Variants in ATAD2B observed in about 807,000 individuals in gnomAD.
ATAD2B encodes ATPase family AAA domain-containing protein 2B.
A neutral mutation model predicts 167.6 loss-of-function variants in ATAD2B; 40 were observed. The ratio of observed to expected loss-of-function variants is 0.24; its 90% CI spans 0.19 to 0.31. The LOEUF (loss-of-function observed/expected upper bound fraction) is 0.31. ATAD2B is among the 10% of genes least tolerant of loss of function. The pLI is 1.00. For missense variants in ATAD2B, 1,242 were observed against 1,757.2 expected (o/e 0.71, Z 5.24); for synonymous variants, 579 against 596.5 (o/e 0.97, Z 0.43).
At chr2:23,855,753 G>A (rs1693290574) in intron 13 of ATAD2B, among the ~76,000 whole-genome samples, 1 of 152,206 alleles carries the variant, frequency 6.6e-6, no homozygotes, top group African/African-American at 2.4e-5. Flanking sequence ...GCCAGGTGGG[G>A]TACTGCATGC....
rs1211290777 is a variant in ATAD2B, at chr2:23,764,662, C to G, written c.3256+844G>C. On this transcript the variant is annotated intron_variant, in intron 23 of 27. Coordinates refer to ENST00000238789, the MANE Select transcript of ATAD2B (RefSeq NM_017552.4). ...TGCCAAATGCTACCAAAGCCTCTAT[C>G]AGATTAGGTGGTCAGGGAAGAGCTC... Among the ~76,000 whole-genome samples the G allele has an allele frequency of 3.3e-5, 5 of 152,172 alleles. No individual in the cohort carries two copies. In the East Asian group the frequency reaches 9.6e-4, roughly 29 times the overall value.
chr2:23,753,652 C>T (rs1017206198), intron 27 of ATAD2B, among the ~76,000 whole-genome samples: 3 of 152,134 alleles, frequency 2.0e-5, no homozygotes, highest in Admixed American at 6.6e-5. Flanking sequence ...AGTATCTCAG[C>T]AAAAGGACAG....
intron 12 of ATAD2B, among the ~76,000 whole-genome samples, chr2:23,860,927 C>T (rs1039006389): frequency 9.9e-5 from 15 of 152,048 alleles, no homozygotes; most frequent in Non-Finnish European, 1.2e-4. Context: ...GCCAAGATCA[C>T]GCCATTGCAC....
rs555868697 is a variant in ATAD2B at position 23,782,990 on chromosome 2, G to A, written c.3012C>T (p.Asp1004=). ...CAATTTTAGTTATTACTGTTGATAA[G>A]TCCATTGGTTCCTTGATTACTTCAA... ...DYLEVIKEPM[D]LSTVITKIDK... Residue 1004 remains aspartate, a synonymous_variant, in exon 22 of 28, where the codon GAC becomes GAT. Coordinates refer to ENST00000238789, the MANE Select transcript of ATAD2B (RefSeq NM_017552.4). 4 of 1,565,576 alleles carry A rather than the reference G, an allele frequency of 2.6e-6. No homozygotes were observed. The highest frequency in any genetic ancestry group is 1.4e-5 in the African/African-American group (1 of 74,032).
chr2:23,752,321 C>A (rs1205778689), intron 27 of ATAD2B, among the ~76,000 whole-genome samples: 1 of 151,636 alleles, frequency 6.6e-6, no homozygotes, highest in Non-Finnish European at 1.5e-5. Context: ...TCACACTCAA[C>A]AAATAACTAA....
chr2:23,874,567 G>A (rs1051822487), intron 8 of ATAD2B, among the ~76,000 whole-genome samples: 1 of 151,936 alleles, frequency 6.6e-6, no homozygotes, highest in Non-Finnish European at 1.5e-5. Flanking sequence ...GCTGAAAATA[G>A]TGCCGTGTGC....
At position 23,926,928 on chromosome 2, in the gene ATAD2B, G is replaced by T; in HGVS notation, c.-158C>A. The T allele has an allele frequency of 2.3e-6, 2 of 882,740 alleles. No homozygotes were observed. The highest frequency in any genetic ancestry group is 3.2e-6 in the Non-Finnish European group (2 of 618,318). The allele number at this position is 882,740 out of a possible 1,614,324, so 54.7% of individuals were successfully genotyped here. On this transcript the variant is annotated 5_prime_UTR_variant, in exon 1 of 28. Transcript: ENST00000238789. ...GCAGACGAGCACAAGAGAGAGCCGG[G>T]CAGAGGAAGGGAAGTCGGCGTGAGC...
At chr2:23,745,552 C>T (rs1029697721), downstream of ATAD2B, among the ~76,000 whole-genome samples, 1 of 152,100 alleles carries the variant, frequency 6.6e-6, no homozygotes, top group African/African-American at 2.4e-5. Flanking sequence ...TCTCTAAAGC[C>T]ACACCACAAG....
At chr2:23,781,174 T>C (rs947931473) in intron 22 of ATAD2B, among the ~76,000 whole-genome samples, 1 of 151,842 alleles carries the variant, frequency 6.6e-6, no homozygotes, top group African/African-American at 2.4e-5. Flanking sequence ...CACTATCAGC[T>C]AGGCCTCAAG....
the ATAD2B span, among the ~76,000 whole-genome samples, chr2:23,704,145 G>C: frequency 6.6e-6 from 1 of 152,254 alleles, no homozygotes; most frequent in Non-Finnish European, 1.5e-5. Context: ...CTCTCAGTGA[G>C]AGGTGAGGTC....
the ATAD2B span, among the ~76,000 whole-genome samples, chr2:23,712,013 A>G: frequency 6.6e-6 from 1 of 152,220 alleles, no homozygotes; most frequent in Non-Finnish European, 1.5e-5. Flanking sequence ...TAGTTAGGCC[A>G]TGCCCCAAGT....
At chr2:23,791,433 T>A (rs748588180) in intron 19 of ATAD2B, among the ~76,000 whole-genome samples, 2 of 152,182 alleles carry the variant, frequency 1.3e-5, no homozygotes, top group Admixed American at 1.3e-4. Flanking sequence ...GTATTCTTTA[T>A]TTTTGATTAC....
intron 13 of ATAD2B, 139 bp from the exon 14 acceptor site, chr2:23,834,217 A>C (rs952491208): frequency 7.5e-6 from 4 of 531,740 alleles, no homozygotes; most frequent in Non-Finnish European, 2.9e-6. Flanking sequence ...GCTGGAGGGC[A>C]GTGGTGCAAT....
chr2:23,796,807 C>T (rs950726209), intron 19 of ATAD2B, among the ~76,000 whole-genome samples: 2 of 152,114 alleles, frequency 1.3e-5, no homozygotes, highest in Non-Finnish European at 2.9e-5. Flanking sequence ...TATACTGTCT[C>T]ACACCAATGA....
chr2:23,903,948 G>T (rs1371010692), intron 1 of ATAD2B, among the ~76,000 whole-genome samples: 1 of 152,092 alleles, frequency 6.6e-6, no homozygotes, highest in African/African-American at 2.4e-5. Flanking sequence ...GTTGGTGGTG[G>T]TGGTGGTGGT....
At chr2:23,711,342 C>CTT in the ATAD2B span, among the ~76,000 whole-genome samples, 27 of 79,766 alleles carry the variant, frequency 3.4e-4, 4 homozygotes, top group African/African-American at 7.9e-4. Context: ...GAATTTCTTT[C>CTT]TTTTTTTTTT....
chr2:23,832,404 G>C (rs375469115), intron 14 of ATAD2B: 8 of 303,276 alleles, frequency 2.6e-5, no homozygotes, highest in African/African-American at 1.1e-4. Context: ...TGTGGAAAAC[G>C]ATGTTCAAGA....
At chr2:23,795,835 C>G (rs56709973) in intron 19 of ATAD2B, among the ~76,000 whole-genome samples, 1 of 151,088 alleles carries the variant, frequency 6.6e-6, no homozygotes, top group African/African-American at 2.4e-5. Context: ...GCCAAGATCA[C>G]GCCACTACAC....
chr2:23,789,635 C>T (rs1037011751), intron 19 of ATAD2B, among the ~76,000 whole-genome samples: 3 of 152,156 alleles, frequency 2.0e-5, no homozygotes, highest in East Asian at 3.8e-4. Flanking sequence ...GAATCAAAGA[C>T]ATCATATTCC....
Sources: gnomAD v4.1 joint callset for allele counts (sites outside exome capture counted in the v4.1 genomes callset) on GRCh38, gnomAD v4.1.1 for gene constraint, MANE v1.5 for transcripts, NCBI Gene and HGNC (gene_info 2026-07-23, HGNC 2026-07-21) for gene names.